SPAG16: variants seen among roughly 807,000 people sequenced by gnomAD.
SPAG16 encodes sperm-associated antigen 16 protein.
SPAG16 carries 86 observed loss-of-function variants against 80.4 expected under a neutral mutation model. The observed-to-expected ratio is 1.07, with a 90% CI of 0.90 to 1.28. SPAG16 has a LOEUF of 1.28. Ranked by LOEUF, SPAG16 falls within the 50% of genes most tolerant of loss-of-function variation. The pLI, the probability that SPAG16 is intolerant of heterozygous loss-of-function variation, is 0.00. For missense variants in SPAG16, 870 were observed against 765.3 expected (o/e 1.14, Z -1.61); for synonymous variants, 294 against 265.9 (o/e 1.11, Z -1.03).
chr2:213,595,381 A>T (rs2060851351), intron 10 of SPAG16, among the ~76,000 whole-genome samples: 1 of 152,164 alleles, frequency 6.6e-6, no homozygotes, highest in African/African-American at 2.4e-5. Context: ...AATTGAGTTT[A>T]TCCAGCTGGA....
chr2:213,811,521 C>A (rs139568832), intron 10 of SPAG16, among the ~76,000 whole-genome samples: 14 of 152,226 alleles, frequency 9.2e-5, no homozygotes, highest in East Asian at 7.7e-4. Context: ...AAATTGGAAG[C>A]TTCTCTCTTC....
At chr2:214,144,935 T>A (rs1462296638) in intron 14 of SPAG16, among the ~76,000 whole-genome samples, 4 of 152,094 alleles carry the variant, frequency 2.6e-5, no homozygotes, top group African/African-American at 9.6e-5. Flanking sequence ...TATAAAGACA[T>A]AGGGACTTTC....
chr2:214,074,442 G>A (rs1023356305), intron 13 of SPAG16, among the ~76,000 whole-genome samples: 1 of 152,124 alleles, frequency 6.6e-6, no homozygotes, highest in African/African-American at 2.4e-5. Flanking sequence ...GAAGTGCAAA[G>A]CAATAATTTT....
intron 10 of SPAG16, among the ~76,000 whole-genome samples, chr2:213,795,121 T>A (rs2070944624): frequency 6.6e-6 from 1 of 152,162 alleles, no homozygotes; most frequent in Non-Finnish European, 1.5e-5. Flanking sequence ...TATAGATAAT[T>A]GAAAGTTCAT....
At chr2:214,041,999 TATATATATAC>T (rs1173567335) in intron 13 of SPAG16, among the ~76,000 whole-genome samples, 2,283 of 130,760 alleles carry the variant, frequency 0.017, 73 homozygotes, top group African/African-American at 0.062. Flanking sequence ...TATATATATA[TATATATATAC>T]ACACACACAC....
chr2:213,996,474 A>G (rs2046519718), intron 12 of SPAG16, among the ~76,000 whole-genome samples: 1 of 152,174 alleles, frequency 6.6e-6, no homozygotes, highest in Non-Finnish European at 1.5e-5. Flanking sequence ...ACTCAGTTAT[A>G]GAATAAAAGC....
At chr2:213,290,969 C>T (rs371945057) in intron 1 of SPAG16, among the ~76,000 whole-genome samples, 91 of 152,270 alleles carry the variant, frequency 6.0e-4, no homozygotes, top group African/African-American at 2.1e-3. Context: ...TATGAGAACC[C>T]AAGAATGTCA....
chr2:213,586,125 CT>C (rs1250005180), intron 10 of SPAG16, among the ~76,000 whole-genome samples: 2 of 152,068 alleles, frequency 1.3e-5, no homozygotes, highest in African/African-American at 4.8e-5. Context: ...AATCTTACCC[CT>C]AGAATAGTTT....
chr2:213,780,830 G>A (rs2069912123), intron 10 of SPAG16, among the ~76,000 whole-genome samples: 1 of 151,582 alleles, frequency 6.6e-6, no homozygotes, highest in Non-Finnish European at 1.5e-5. Context: ...CTATAATTTG[G>A]CAATGATAAA....
At chr2:214,119,396 G>A (rs1490557270) in intron 14 of SPAG16, among the ~76,000 whole-genome samples, 2 of 151,906 alleles carry the variant, frequency 1.3e-5, no homozygotes, top group Non-Finnish European at 2.9e-5. Flanking sequence ...AACCAAAAAA[G>A]GAAGATGACA....
intron 10 of SPAG16, among the ~76,000 whole-genome samples, chr2:213,632,181 T>C (rs2062182803): frequency 6.6e-6 from 1 of 152,140 alleles, no homozygotes; most frequent in African/African-American, 2.4e-5. Flanking sequence ...CAGTTTTCAT[T>C]ATAGGGATCT....
Position 214,132,851 on chromosome 2 carries a change from G to C in SPAG16, c.1594-16289G>C, listed in dbSNP as rs568309028. On this transcript the variant is annotated intron_variant, in intron 14 of 15. Coordinates refer to ENST00000331683, the MANE Select transcript of SPAG16 (RefSeq NM_024532.5). Reference sequence around the variant, plus strand: ...CTATGCCTTGTAATCCTAGCACTTTGGGAGGCCTAGGCGGGCGGATCACCT... The same window carrying C: ...CTATGCCTTGTAATCCTAGCACTTTCGGAGGCCTAGGCGGGCGGATCACCT... 8.5e-5 allele frequency among the ~76,000 whole-genome samples: 13 copies of C among 152,256 alleles called. No homozygotes were observed. In the East Asian group the frequency reaches 2.3e-3, roughly 27 times the overall value.
chr2:213,456,540 ATTTGAG>A (rs1293876237), intron 9 of SPAG16, among the ~76,000 whole-genome samples: 2 of 152,258 alleles, frequency 1.3e-5, no homozygotes, highest in South Asian at 2.1e-4. Context: ...ATAGATTTTC[ATTTGAG>A]TTTATTTTCT....
intron 13 of SPAG16, among the ~76,000 whole-genome samples, chr2:214,023,343 T>C (rs1444465328): frequency 6.6e-6 from 1 of 151,768 alleles, no homozygotes; most frequent in African/African-American, 2.4e-5. Flanking sequence ...CTGGTTTGGC[T>C]TTCACATCTT....
intron 9 of SPAG16, among the ~76,000 whole-genome samples, chr2:213,376,160 G>A (rs2066874161): frequency 6.6e-6 from 1 of 151,498 alleles, no homozygotes; most frequent in African/African-American, 2.4e-5. Context: ...CGTATGTGAG[G>A]TAGACTCACA....
At chr2:213,993,482 G>A (rs1053180662) in intron 12 of SPAG16, among the ~76,000 whole-genome samples, 21 of 152,092 alleles carry the variant, frequency 1.4e-4, no homozygotes, top group Non-Finnish European at 2.6e-4. Context: ...AATTACAATA[G>A]CACTGCCTAT....
chr2:213,419,455 T>C (rs2069462227), intron 9 of SPAG16, among the ~76,000 whole-genome samples: 2 of 152,090 alleles, frequency 1.3e-5, no homozygotes, highest in Admixed American at 6.6e-5. Flanking sequence ...GTCAAATGAA[T>C]AAGGGATGAA....
At chr2:213,544,735 T>C (rs938122929) in intron 10 of SPAG16, among the ~76,000 whole-genome samples, 1 of 152,160 alleles carries the variant, frequency 6.6e-6, no homozygotes, top group African/African-American at 2.4e-5. Context: ...CTCCATACTT[T>C]TGTTTTTTCT....
chr2:213,446,474 A>G (rs1260185782), intron 9 of SPAG16, among the ~76,000 whole-genome samples: 2 of 152,252 alleles, frequency 1.3e-5, no homozygotes, highest in Non-Finnish European at 2.9e-5. Flanking sequence ...GAATAGACAA[A>G]GCTGAGAAAG....
Sources: allele counts gnomAD v4.1 joint callset (sites outside exome capture counted in the v4.1 genomes callset), GRCh38; gene constraint gnomAD v4.1.1; transcripts MANE v1.5; gene names NCBI Gene and HGNC (gene_info 2026-07-23, HGNC 2026-07-21).